Variants in HS3ST4 observed in about 807,000 individuals in gnomAD.
HS3ST4 encodes heparan sulfate-glucosamine 3-sulfotransferase 4.
A neutral mutation model predicts 29.2 loss-of-function variants in HS3ST4; 17 were observed. That is an observed-to-expected ratio of 0.58 (90% CI 0.40 to 0.87). The LOEUF is 0.87. Ranked by LOEUF, HS3ST4 falls within the 40% of genes least tolerant of loss-of-function variation. The pLI is 0.00. For synonymous variants in HS3ST4, 314 were observed against 285.7 expected (o/e 1.10, Z -1.00); for missense variants, 627 against 634.5 (o/e 0.99, Z 0.13).
intron 1 of HS3ST4, among the ~76,000 whole-genome samples, chr16:25,981,609 CTTTTTTT>C (rs376892231): frequency 7.3e-6 from 1 of 136,826 alleles, no homozygotes; most frequent in Non-Finnish European, 1.5e-5. Flanking sequence ...TGGTGGAGTT[CTTTTTTT>C]TTTTTTTTTT....
At chr16:25,753,879 T>C (rs1245034239) in intron 1 of HS3ST4, among the ~76,000 whole-genome samples, 1 of 152,242 alleles carries the variant, frequency 6.6e-6, no homozygotes, top group Non-Finnish European at 1.5e-5. Context: ...ACCTACAATG[T>C]GTCTGACACA....
intron 1 of HS3ST4, among the ~76,000 whole-genome samples, chr16:25,774,231 C>T (rs1966845478): frequency 1.3e-5 from 2 of 152,194 alleles, no homozygotes; most frequent in Non-Finnish European, 2.9e-5. Context: ...GGTAAACAGC[C>T]ACAGTGAGAG....
At chr16:25,741,690 A>G (rs7197564) in intron 1 of HS3ST4, among the ~76,000 whole-genome samples, 85,055 of 151,972 alleles carry the variant, frequency 0.56, 24,252 homozygotes, top group Non-Finnish European at 0.62. Context: ...AGGAGACCAC[A>G]TATGTTGCTC....
At chr16:26,105,364 T>A (rs943867634) in intron 1 of HS3ST4, among the ~76,000 whole-genome samples, 5 of 151,140 alleles carry the variant, frequency 3.3e-5, no homozygotes, top group African/African-American at 1.2e-4. Context: ...GGGAGGGGAG[T>A]AAGGATTGAA....
intron 1 of HS3ST4, among the ~76,000 whole-genome samples, chr16:25,898,474 G>A (rs1018387480): frequency 2.6e-5 from 4 of 152,134 alleles, no homozygotes; most frequent in Admixed American, 6.5e-5. Context: ...ATGGTTTTAC[G>A]ATGTAAGGAC....
intron 1 of HS3ST4, among the ~76,000 whole-genome samples, chr16:26,078,736 A>G (rs1898694085): frequency 6.6e-6 from 1 of 152,240 alleles, no homozygotes; most frequent in Non-Finnish European, 1.5e-5. Flanking sequence ...TTATGTTTGA[A>G]CAAATTCAAC....
chr16:25,983,702 A>G (rs1337325871), intron 1 of HS3ST4, among the ~76,000 whole-genome samples: 1 of 152,166 alleles, frequency 6.6e-6, no homozygotes, highest in Admixed American at 6.5e-5. Context: ...TCTTGGCTCT[A>G]AGTGAGTTGA....
At chr16:25,976,827 T>C (rs1023277915) in intron 1 of HS3ST4, among the ~76,000 whole-genome samples, 5 of 152,310 alleles carry the variant, frequency 3.3e-5, no homozygotes, top group African/African-American at 9.6e-5. Flanking sequence ...AACTCAACTC[T>C]GCTCCGGCAG....
chr16:25,946,028 C>A (rs1968621812), intron 1 of HS3ST4, among the ~76,000 whole-genome samples: 1 of 152,120 alleles, frequency 6.6e-6, no homozygotes, highest in Admixed American at 6.6e-5. Flanking sequence ...CAAAGGAAAT[C>A]CAGACAGTCT....
At chr16:25,946,130 TTGAAGG>T (rs1309680033) in intron 1 of HS3ST4, among the ~76,000 whole-genome samples, 1 of 152,176 alleles carries the variant, frequency 6.6e-6, no homozygotes, top group Non-Finnish European at 1.5e-5. Flanking sequence ...TGCATCGATT[TTGAAGG>T]TGATGGTGTA....
chr16:26,069,899 T>G (rs1036292527), intron 1 of HS3ST4, among the ~76,000 whole-genome samples: 1 of 152,160 alleles, frequency 6.6e-6, no homozygotes, highest in Non-Finnish European at 1.5e-5. Context: ...TCATTTTTTA[T>G]GGCTGCATAG....
chr16:25,942,237 A>T (rs1298773832), intron 1 of HS3ST4, among the ~76,000 whole-genome samples: 1 of 152,162 alleles, frequency 6.6e-6, no homozygotes, highest in Non-Finnish European at 1.5e-5. Flanking sequence ...ACAAGAGATG[A>T]TGGGATATCC....
intron 1 of HS3ST4, among the ~76,000 whole-genome samples, chr16:25,704,906 A>C (rs1175443710): frequency 6.6e-6 from 1 of 151,188 alleles, no homozygotes; most frequent in East Asian, 2.0e-4. Flanking sequence ...ATTGTAGAGA[A>C]GACATCTTGC....
At chr16:25,846,838 G>A (rs4130888) in intron 1 of HS3ST4, among the ~76,000 whole-genome samples, 42,157 of 151,860 alleles carry the variant, frequency 0.28, 6,502 homozygotes, top group Admixed American at 0.34. Flanking sequence ...CAATACCGTC[G>A]TCAAGTTTTC....
At chr16:26,078,179 C>A (rs12443640) in intron 1 of HS3ST4, among the ~76,000 whole-genome samples, 55,955 of 151,872 alleles carry the variant, frequency 0.37, 10,774 homozygotes, top group South Asian at 0.44. Flanking sequence ...CTCACTGTGT[C>A]CCTCAGGCTG....
chr16:26,084,581 C>A (rs1232550656), intron 1 of HS3ST4, among the ~76,000 whole-genome samples: 1 of 152,078 alleles, frequency 6.6e-6, no homozygotes, highest in South Asian at 2.1e-4. Flanking sequence ...CTCCTGAGAT[C>A]CTTATTGTGC....
intron 1 of HS3ST4, among the ~76,000 whole-genome samples, chr16:25,857,876 C>CTCTT (rs149041532): frequency 0.072 from 6,763 of 93,420 alleles, 303 homozygotes; most frequent in East Asian, 0.15. Flanking sequence ...GAATTTCTTT[C>CTCTT]TCTTTCTTTC....
chr16:25,718,370 T>C (rs145326435), intron 1 of HS3ST4, among the ~76,000 whole-genome samples: 2 of 152,182 alleles, frequency 1.3e-5, no homozygotes, highest in East Asian at 3.9e-4. Flanking sequence ...GAAGTGAAAA[T>C]GAACGGGACT....
intron 1 of HS3ST4, among the ~76,000 whole-genome samples, chr16:25,972,637 A>G (rs989473329): frequency 1.3e-5 from 2 of 152,210 alleles, no homozygotes; most frequent in African/African-American, 2.4e-5. Context: ...CGCCAGAAAG[A>G]CAGAAGGCCC....
Sources: allele counts gnomAD v4.1 joint callset (sites outside exome capture counted in the v4.1 genomes callset), GRCh38; gene constraint gnomAD v4.1.1; transcripts MANE v1.5; gene names NCBI Gene and HGNC (gene_info 2026-07-23, HGNC 2026-07-21).